MROH2A: variants seen among roughly 807,000 people sequenced by gnomAD.
The protein encoded by MROH2A is maestro heat like repeat family member 2A, also known as maestro heat-like repeat-containing protein family member 2A.
MROH2A carries 174 observed loss-of-function variants against 200.4 expected under a neutral mutation model. The ratio of observed to expected loss-of-function variants is 0.87; its 90% CI spans 0.77 to 0.98. The LOEUF (loss-of-function observed/expected upper bound fraction) is 0.98. Among genes scored for constraint, MROH2A ranks in the 50% least tolerant of loss-of-function variants. The pLI is 0.00. For synonymous variants in MROH2A, 829 were observed against 840.4 expected (o/e 0.99, Z 0.23); for missense variants, 2,045 against 2,139.6 (o/e 0.96, Z 0.87).
intron 33 of MROH2A, 142 bp downstream of exon 33, chr2:233,822,698 C>T (rs1283241947): frequency 1.9e-5 from 21 of 1,131,528 alleles, no homozygotes; most frequent in Non-Finnish European, 2.6e-5. Flanking sequence ...ATGCCGTTCT[C>T]ATGTGTGTCA....
chr2:233,814,528 G>A lies in MROH2A; in HGVS notation c.2761-54G>A. 4.6e-6 allele frequency: 6 copies of A among 1,314,758 alleles called. No individual in the cohort carries two copies. The South Asian group carries it at 7.7e-5, about 17-fold the overall frequency. The allele number at this position is 1,314,758 out of a possible 1,614,324, so 81.4% of individuals were successfully genotyped here. A position where few individuals can be genotyped will look rare whatever the true frequency, so the allele number is the denominator to read the frequency against. On this transcript the variant is annotated intron_variant, in intron 25 of 41. Coordinates refer to ENST00000389758, the MANE Select transcript of MROH2A (RefSeq NM_001394639.1). ...CTGGCATGAACTCCCTGCAGGGAGG[G>A]GGGTTGTGGGTGCCCCTCATTGCCG... is the stretch of plus-strand genomic sequence containing the variant.
At chr2:233,781,142 G>T (rs1700938231) in intron 3 of MROH2A, among the ~76,000 whole-genome samples, 1 of 152,046 alleles carries the variant, frequency 6.6e-6, no homozygotes, top group African/African-American at 2.4e-5. Flanking sequence ...TACATTGATG[G>T]GTACTTACGT....
chr2:233,776,414 G>A (rs996531993), upstream of MROH2A, among the ~76,000 whole-genome samples: 32 of 147,758 alleles, frequency 2.2e-4, no homozygotes, highest in African/African-American at 7.8e-4. Flanking sequence ...GGAGTGCAGT[G>A]GTGTGATCTT....
intron 14 of MROH2A, among the ~76,000 whole-genome samples, chr2:233,800,777 T>C (rs184296468): frequency 2.5e-3 from 381 of 151,122 alleles, no homozygotes; most frequent in Non-Finnish European, 4.5e-3. Context: ...CGGGAAGGAG[T>C]GGAAGGAGTT....
chr2:233,829,269 C>T (rs971344668), intron 37 of MROH2A, among the ~76,000 whole-genome samples, 197 bp downstream of exon 37: 13 of 152,148 alleles, frequency 8.5e-5, no homozygotes, highest in East Asian at 3.9e-4. Flanking sequence ...TGTCAAGTGA[C>T]GGCTCCTGGG....
intron 40 of MROH2A, 60 bp downstream of exon 40, chr2:233,832,339 G>GAGT: frequency 7.0e-7 from 1 of 1,436,334 alleles, no homozygotes; most frequent in Non-Finnish European, 9.5e-7. Flanking sequence ...AGTCCACCCC[G>GAGT]GCACTCGGGG....
intron 34 of MROH2A, 134 bp from the exon 35 acceptor site, chr2:233,823,422 G>A: frequency 1.8e-6 from 2 of 1,099,370 alleles, no homozygotes; most frequent in Non-Finnish European, 2.5e-6. Flanking sequence ...GAGAAACCCA[G>A]AGATGTTACG....
At chr2:233,789,468 C>G (rs1701587056) in intron 3 of MROH2A, 29 bp from the exon 4 acceptor site, 4 of 1,380,252 alleles carry the variant, frequency 2.9e-6, no homozygotes, top group Non-Finnish European at 3.8e-6. Flanking sequence ...AGGGTGAGGT[C>G]CATTCCACCC....
At chr2:233,791,473 G>A (rs1226302525) in intron 5 of MROH2A, among the ~76,000 whole-genome samples, 1 of 152,046 alleles carries the variant, frequency 6.6e-6, no homozygotes, top group Non-Finnish European at 1.5e-5. Flanking sequence ...TGTGTGTGGA[G>A]CTCATGTTGC....
rs899790702 is a variant in MROH2A at position 233,804,435 on chromosome 2, C to A, written c.1892-60C>A. The stretch of plus-strand genomic sequence containing the variant: ...AAGGAGGCATAGAGGGCCTTGAATA[C>A]CAGGCTTAGGGGAGCAGTGGAAGAA... On this transcript the variant is annotated intron_variant, in intron 17 of 41. Transcript: ENST00000389758. 7 of 1,532,916 alleles carry A rather than the reference C, an allele frequency of 4.6e-6. No homozygotes were observed. In the East Asian group the frequency reaches 1.7e-4, roughly 38 times the overall value. 95.0% of individuals were successfully genotyped at this position (1,532,916 alleles called of 1,614,324 possible). A position where few individuals can be genotyped will look rare whatever the true frequency, so the allele number is the denominator to read the frequency against.
chr2:233,813,692 A>G lies in MROH2A; in HGVS notation c.2674A>G (p.Thr892Ala), dbSNP rs1017645025. The part of the protein sequence containing the change: ...HLSKLKPFYS[T>A]EENSELMDIS... ...CAGCAAGCTGAAGCCTTTCTACTCC[A>G]CAGAGGAAAACAGTGAGCTGATGGA... The change falls in exon 25 of 42, where the codon ACA becomes GCA. Residue 892 changes from threonine (T) to alanine (A), a missense_variant. Thr to Ala is a moderately conservative substitution (Grantham distance 58). This residue lies in a region of MROH2A where 1,201 missense variants were observed against 1,311.3 expected (regional missense o/e 0.92). Transcript: ENST00000389758. 3.2e-6 allele frequency: 5 copies of G among 1,549,734 alleles called. No individual in the cohort carries two copies. The highest frequency in any genetic ancestry group is 4.4e-6 in the Non-Finnish European group (5 of 1,146,318).
intron 3 of MROH2A, among the ~76,000 whole-genome samples, chr2:233,780,866 A>T (rs960861625): frequency 6.6e-6 from 1 of 152,150 alleles, no homozygotes; most frequent in African/African-American, 2.4e-5. Flanking sequence ...GTATCTTTTA[A>T]TCAACTTCTC....
chr2:233,826,769 A>G (rs769732573), intron 35 of MROH2A, among the ~76,000 whole-genome samples: 1 of 152,246 alleles, frequency 6.6e-6, no homozygotes, highest in Non-Finnish European at 1.5e-5. Context: ...AGAGACTATC[A>G]TCAGAGTGAA....
rs188948269 is a variant in MROH2A, at chr2:233,809,193, C to A, written c.2363C>A (p.Ser788Tyr). 2.2e-3 allele frequency: 3,413 copies of A among 1,550,550 alleles called. 9 individuals are homozygous for A. The highest frequency in any genetic ancestry group is 2.1e-3 in the Non-Finnish European group (2,365 of 1,146,972). Residue 788 changes from serine (S) to tyrosine (Y), a missense_variant, in exon 22 of 42, where the codon TCC becomes TAC. By Grantham distance (144) the Ser-to-Tyr change is moderately radical. This residue lies in a region of MROH2A where 1,201 missense variants were observed against 1,311.3 expected (regional missense o/e 0.92). Transcript: ENST00000389758. Reference protein sequence around the residue: ...ALMVMYSCVASYCHPQLLLNL... With the variant: ...ALMVMYSCVAYYCHPQLLLNL... The stretch of plus-strand genomic sequence containing the variant: ...ATGGTGATGTATAGCTGCGTGGCCT[C>A]CTACTGCCACCCCCAGTTGCTCCTC...
intron 14 of MROH2A, 111 bp from the exon 15 acceptor site, chr2:233,802,057 T>G: frequency 8.2e-7 from 1 of 1,217,306 alleles, no homozygotes; most frequent in Admixed American, 2.7e-5. Context: ...TCAGGGGACA[T>G]CTCTGGGGAA....
intron 5 of MROH2A, among the ~76,000 whole-genome samples, chr2:233,792,217 C>T (rs1025218590): frequency 6.6e-6 from 1 of 152,080 alleles, no homozygotes; most frequent in South Asian, 2.1e-4. Flanking sequence ...TCTTCCCTCC[C>T]TCTCTCGGAC....
Position 233,807,425 on chromosome 2 carries a change from C to T in MROH2A, c.2055C>T (p.Gly685=), listed in dbSNP as rs536725034. ...ASFDSPSLEK[G]FLYRALGFTL... ...CTTCCTCCCTTCTGCCTCTCCAGGGCTTTCTGTACCGGGCCTTGGGCTTCA... is the reference window on the plus strand; with the variant it reads ...CTTCCTCCCTTCTGCCTCTCCAGGGTTTTCTGTACCGGGCCTTGGGCTTCA... Residue 685 remains glycine, a splice_region_variant and synonymous_variant, in exon 20 of 42, where the codon GGC becomes GGT. Transcript: ENST00000389758. This position sits in a 1 kb window ranked among gnomAD's most constrained non-coding sequence, Gnocchi z 4.3. 7.7e-6 allele frequency: 12 copies of T among 1,550,152 alleles called. No individual in the cohort carries two copies. The South Asian group carries it at 1.4e-4, about 18-fold the overall frequency.
rs986279453 is a variant in MROH2A, at chr2:233,807,963, G to T, written c.2295+108G>T. 8 of 1,377,278 alleles carry T rather than the reference G, an allele frequency of 5.8e-6. No homozygotes were observed. In the African/African-American group the frequency reaches 1.2e-4, roughly 20 times the overall value. The allele number at this position is 1,377,278 out of a possible 1,614,324, so 85.3% of individuals were successfully genotyped here. A position where few individuals can be genotyped will look rare whatever the true frequency, so the allele number is the denominator to read the frequency against. ...CTCAGTAGGAAACTTGCCTCACACG[G>T]AGTCTCCTGTCATCAAAATGGCTGA... is the stretch of plus-strand genomic sequence containing the variant. On this transcript the variant is annotated intron_variant, in intron 21 of 41. Coordinates refer to ENST00000389758, the MANE Select transcript of MROH2A (RefSeq NM_001394639.1). The surrounding 1 kb of genome is among the most constrained non-coding windows in gnomAD (Gnocchi z 4.3).
At chr2:233,782,912 T>TA (rs1213544896) in intron 3 of MROH2A, among the ~76,000 whole-genome samples, 2 of 149,422 alleles carry the variant, frequency 1.3e-5, no homozygotes, top group African/African-American at 2.5e-5. Flanking sequence ...GTTGAGTTTT[T>TA]AAAAAATCAT....
Sources: gnomAD v4.1 joint callset for allele counts (sites outside exome capture counted in the v4.1 genomes callset) on GRCh38, gnomAD v4.1.1 for gene constraint, gnomAD v4.1.1 regional missense constraint, Gnocchi (gnomAD v3.1) non-coding constraint, MANE v1.5 for transcripts, NCBI Gene and HGNC (gene_info 2026-07-23, HGNC 2026-07-21) for gene names.